Variants in ARFGEF3 observed in about 807,000 individuals in gnomAD.
ARFGEF3 encodes the protein ARFGEF family member 3.
A neutral mutation model predicts 221.7 loss-of-function variants in ARFGEF3; 96 were observed. The ratio of observed to expected loss-of-function variants is 0.43; its 90% confidence interval spans 0.37 to 0.51. ARFGEF3 has a LOEUF of 0.51. Among genes scored for constraint, ARFGEF3 ranks in the 20% least tolerant of loss-of-function variants. The pLI is 0.00. For missense variants in ARFGEF3, 2,410 were observed against 2,789.9 expected (o/e 0.86, Z 3.07); for synonymous variants, 1,145 against 1,126.8 (o/e 1.02, Z -0.32).
At chr6:138,220,208 T>C (rs1021773591) in intron 4 of ARFGEF3, among the ~76,000 whole-genome samples, 1 of 152,056 alleles carries the variant, frequency 6.6e-6, no homozygotes, top group East Asian at 1.9e-4. Context: ...TTGCCATGTT[T>C]CCCAGGCTGG....
At chr6:138,182,625 G>C (rs1350907189) in intron 2 of ARFGEF3, among the ~76,000 whole-genome samples, 2 of 152,152 alleles carry the variant, frequency 1.3e-5, no homozygotes, top group African/African-American at 4.8e-5. Flanking sequence ...AAGGAAGAAG[G>C]AAACTTTAAG....
intron 13 of ARFGEF3, 41 bp downstream of exon 13, chr6:138,278,658 T>G (rs1296912206): frequency 6.2e-7 from 1 of 1,604,046 alleles, no homozygotes. Flanking sequence ...GAGGGCAGGC[T>G]GTAACTTCCT....
intron 12 of ARFGEF3, among the ~76,000 whole-genome samples, chr6:138,270,512 C>T (rs780088254): frequency 2.6e-4 from 39 of 151,834 alleles, no homozygotes; most frequent in Non-Finnish European, 5.0e-4. Flanking sequence ...CTTCAGATCC[C>T]AGCTCTAGCA....
chr6:138,317,377 C>A lies in ARFGEF3; in HGVS notation c.4472C>A (p.Pro1491Gln). Residue 1491 changes from proline (P) to glutamine (Q), a missense_variant and splice_region_variant, in exon 27 of 34, where the codon CCA becomes CAA. Pro to Gln is a moderately conservative substitution (Grantham distance 76). Transcript: ENST00000251691. ...CTGTTGAGAGATGTGACGAAAACAC[C>A]AGGTAAATATTTCTGTGTCCGTCTT... ...FELLRDVTKTPGPGFGIYAVV... is the reference protein window; with the variant it reads ...FELLRDVTKTQGPGFGIYAVV... The A allele has an allele frequency of 6.2e-7, 1 of 1,613,832 alleles. No individual in the cohort carries two copies. The highest frequency in any genetic ancestry group is 1.1e-5 in the South Asian group (1 of 91,016).
chr6:138,227,641 A>G lies in ARFGEF3; in HGVS notation c.352-2143A>G, dbSNP rs185605718. Among the ~76,000 whole-genome samples the G allele has an allele frequency of 1.6e-3, 250 of 152,294 alleles. 1 individual carries two copies. The highest frequency in any genetic ancestry group is 5.8e-3 in the African/African-American group (243 of 41,564). On this transcript the variant is annotated intron_variant, in intron 4 of 33. Coordinates refer to ENST00000251691, the MANE Select transcript of ARFGEF3 (RefSeq NM_020340.5). ...CAACTCAGACTCCCCGCCCCCCGCC[A>G]TGAAACATGGCACTAAAAATAAAAA...
intron 2 of ARFGEF3, among the ~76,000 whole-genome samples, chr6:138,174,073 C>T (rs1021850598): frequency 1.6e-4 from 25 of 151,902 alleles, no homozygotes; most frequent in African/African-American, 6.0e-4. Flanking sequence ...TTTTTAAAAA[C>T]AATTTGGAAG....
chr6:138,296,631 G>T (rs996658234), intron 20 of ARFGEF3, among the ~76,000 whole-genome samples, 179 bp from the exon 21 acceptor site: 2 of 152,084 alleles, frequency 1.3e-5, no homozygotes, highest in Non-Finnish European at 2.9e-5. Flanking sequence ...GACGATGCAG[G>T]CCTTGCTAAG....
chr6:138,269,535 C>T (rs1044043337), intron 12 of ARFGEF3, among the ~76,000 whole-genome samples: 5 of 152,170 alleles, frequency 3.3e-5, no homozygotes, highest in Admixed American at 6.5e-5. Context: ...GACGGCCTGG[C>T]GCTGTGGCTC....
At chr6:138,188,366 G>C (rs1478640079) in intron 2 of ARFGEF3, among the ~76,000 whole-genome samples, 2 of 152,154 alleles carry the variant, frequency 1.3e-5, no homozygotes, top group Non-Finnish European at 2.9e-5. Flanking sequence ...CATGCCCTCG[G>C]CTGGGATAGT....
chr6:138,259,069 G>A (rs1035842940), intron 10 of ARFGEF3, among the ~76,000 whole-genome samples: 35 of 152,314 alleles, frequency 2.3e-4, no homozygotes, highest in African/African-American at 6.5e-4. Context: ...ACGTCCAGGC[G>A]GTGCTGCCCC....
chr6:138,260,119 C>CGA (rs140828142), intron 10 of ARFGEF3, among the ~76,000 whole-genome samples: 126 of 150,940 alleles, frequency 8.3e-4, no homozygotes, highest in African/African-American at 2.1e-3. Context: ...AGAGAGGGGG[C>CGA]GAGAGAGAGA....
Position 138,321,097 on chromosome 6 carries a change from G to T in ARFGEF3, c.4652-14G>T. 6.8e-7 allele frequency: 1 copy of T among 1,473,830 alleles called. No individual in the cohort carries two copies. Among genetic ancestry groups the T allele is most frequent in the Non-Finnish European group, 9.3e-7 (1 of 1,075,416 alleles). The allele number at this position is 1,473,830 out of a possible 1,614,324, so 91.3% of individuals were successfully genotyped here. On this transcript the variant is annotated splice_polypyrimidine_tract_variant and intron_variant, in intron 28 of 33. Coordinates refer to ENST00000251691, the MANE Select transcript of ARFGEF3 (RefSeq NM_020340.5). ...TAGAGCTGTGTGAAACTGTGATTTT[G>T]CTGTTTCCCATAGATATCAGGTACG...
chr6:138,187,950 G>T (rs1171453150), intron 2 of ARFGEF3, among the ~76,000 whole-genome samples: 3 of 152,146 alleles, frequency 2.0e-5, no homozygotes, highest in African/African-American at 2.4e-5. Flanking sequence ...AGTGTGTGTG[G>T]GGGGGTTTAA....
In ARFGEF3 at chr6:138,263,123, C is replaced by T. The variant is rs778675727; in HGVS notation, c.1640C>T (p.Thr547Met). 8.7e-6 allele frequency: 14 copies of T among 1,613,932 alleles called. No homozygotes were observed. Among genetic ancestry groups the T allele is most frequent in the Admixed American group, 3.3e-5 (2 of 60,020 alleles). ...KSPAIPEGKE[T>M]LSKVLETEAV... is the part of the protein sequence containing the mutation. ...CCAGCCATCCCAGAGGGTAAGGAGA[C>T]GCTGAGCAAAGTATTGGAAACAGAG... Residue 547 changes from threonine to methionine, a missense_variant, in exon 12 of 34, where the codon ACG becomes ATG. Thr to Met is a moderately conservative substitution (Grantham distance 81). Coordinates refer to ENST00000251691, the MANE Select transcript of ARFGEF3 (RefSeq NM_020340.5).
chr6:138,334,697 T>A lies in ARFGEF3; in HGVS notation c.5851T>A (p.Ser1951Thr). 1.2e-6 allele frequency: 2 copies of A among 1,610,786 alleles called. No individual in the cohort carries two copies. The highest frequency in any genetic ancestry group is 3.3e-4 in the Middle Eastern group (2 of 6,048). ...PSFQSESSTP[S>T]TGGFSGKETP... ...CTTCCAGTCCGAGTCATCCACCCCA[T>A]CCACCGGGGGCTTCTCTGGGAAAGA... is the stretch of plus-strand genomic sequence containing the variant. Residue 1951 changes from serine to threonine, a missense_variant, in exon 33 of 34, where the codon TCC (serine) becomes ACC (threonine). Transcript: ENST00000251691. The surrounding 1 kb of genome is among the most constrained non-coding windows in gnomAD (Gnocchi z 5.1).
chr6:138,283,011 A>G (rs1779225490), intron 14 of ARFGEF3, among the ~76,000 whole-genome samples: 1 of 152,154 alleles, frequency 6.6e-6, no homozygotes, highest in Admixed American at 6.5e-5. Context: ...AGATCGCGTC[A>G]CTGCACTTCA....
At chr6:138,270,075 C>G (rs1430368359) in intron 12 of ARFGEF3, among the ~76,000 whole-genome samples, 1 of 152,114 alleles carries the variant, frequency 6.6e-6, no homozygotes, top group African/African-American at 2.4e-5. Flanking sequence ...AAAGGAGCCA[C>G]CTGAGAGCTA....
chr6:138,283,821 C>T (rs1779238761), intron 14 of ARFGEF3, among the ~76,000 whole-genome samples: 2 of 152,298 alleles, frequency 1.3e-5, no homozygotes, highest in African/African-American at 4.8e-5. Context: ...GACCAGACGT[C>T]AAATTAATTT....
At chr6:138,179,142 T>C (rs1777014284) in intron 2 of ARFGEF3, among the ~76,000 whole-genome samples, 1 of 152,238 alleles carries the variant, frequency 6.6e-6, no homozygotes. Context: ...AGTATTTATG[T>C]TCTAAAGGAC....
Sources: gnomAD v4.1 joint callset for allele counts (sites outside exome capture counted in the v4.1 genomes callset) on GRCh38, gnomAD v4.1.1 for gene constraint, Gnocchi (gnomAD v3.1) non-coding constraint, MANE v1.5 for transcripts, NCBI Gene and HGNC (gene_info 2026-07-23, HGNC 2026-07-21) for gene names.